YARS2: variants seen among roughly 807,000 people sequenced by gnomAD.
YARS2 encodes the protein tyrosyl-tRNA synthetase 2, also known as tyrosine--tRNA ligase, mitochondrial.
In YARS2, 38 loss-of-function variants were observed where a neutral mutation model predicts 45.0. The ratio of observed to expected loss-of-function variants is 0.84; its 90% CI spans 0.65 to 1.11. YARS2 has a LOEUF of 1.11. YARS2 is among the 50% of genes least tolerant of loss of function. The pLI is 0.00. For synonymous variants in YARS2, 287 were observed against 245.1 expected (o/e 1.17, Z -1.60); for missense variants, 602 against 599.8 (o/e 1.00, Z -0.04).
chr12:32,753,042 C>A (rs889258441), intron 2 of YARS2, among the ~76,000 whole-genome samples: 1 of 151,804 alleles, frequency 6.6e-6, no homozygotes, highest in Non-Finnish European at 1.5e-5. Context: ...TGGCCGGGTG[C>A]GGGGGCTCAT....
In YARS2 at chr12:32,747,283, T is replaced by A. The variant is rs751138150; in HGVS notation, c.1355A>T (p.Gln452Leu). Residue 452 changes from glutamine to leucine, a missense_variant, in exon 5 of 5, where the codon CAA becomes CTA. Transcript: ENST00000324868. ...TNPESVLIVG[Q>L]HILKNGLSLL... ...GGAAAGTCCATTCTTGAGAATATGT[T>A]GTCCAACAATTAAAACACTCTCAGG... 1 of 1,614,044 alleles carries A rather than the reference T, an allele frequency of 6.2e-7. No individual in the cohort carries two copies. The highest frequency in any genetic ancestry group is 8.5e-7 in the Non-Finnish European group (1 of 1,179,906).
Position 32,747,179 on chromosome 12 carries a change from T to C in YARS2, c.*25A>G, listed in dbSNP as rs1281042332. ...TGAGAATGAATGATGGGTAAGTTTA[T>C]TTGGACAACCAGAAGGACTTTTCAT... On this transcript the variant is annotated 3_prime_UTR_variant, in exon 5 of 5. Transcript: ENST00000324868. The C allele has an allele frequency of 1.2e-6, 2 of 1,611,006 alleles. No individual in the cohort carries two copies. The highest frequency in any genetic ancestry group is 8.5e-7 in the Non-Finnish European group (1 of 1,179,340).
Position 32,755,152 on chromosome 12 carries a change from C to G in YARS2, c.723G>C (p.Gln241His), listed in dbSNP as rs1270374555. The G allele has an allele frequency of 1.2e-6, 2 of 1,614,208 alleles. No homozygotes were observed. The highest frequency in any genetic ancestry group is 1.1e-5 in the South Asian group (1 of 91,088). Residue 241 changes from glutamine (Q) to histidine (H), a missense_variant, in exon 1 of 5, where the codon CAG (glutamine) becomes CAC (histidine). By Grantham distance (24) the Gln-to-His change is conservative. Coordinates refer to ENST00000324868, the MANE Select transcript of YARS2 (RefSeq NM_001040436.3). ...TGCCTAGTTGATCAGATCCGCCCAGCTGGACCCTGCATCCATAACGCTGGA... is the reference window on the plus strand; with the variant it reads ...TGCCTAGTTGATCAGATCCGCCCAGGTGGACCCTGCATCCATAACGCTGGA... ...YLFQRYGCRV[Q>H]LGGSDQLGNI...
At position 32,755,436 on chromosome 12, in the gene YARS2, C is replaced by T. The variant is rs1470433727; in HGVS notation, c.439G>A (p.Gly147Arg). 2.7e-5 allele frequency: 43 copies of T among 1,613,192 alleles called. No individual in the cohort carries two copies. Among genetic ancestry groups the T allele is most frequent in the Non-Finnish European group, 3.5e-5 (41 of 1,179,844 alleles). ...VRANARALRL[G>R]LEALAANHQQ... is the part of the protein sequence containing the mutation. Reference sequence around the variant, plus strand: ...TGATTAGCCGCCAGGGCCTCAAGCCCTAGGCGCAGAGCTCGCGCGTTGGCT... The same window carrying T: ...TGATTAGCCGCCAGGGCCTCAAGCCTTAGGCGCAGAGCTCGCGCGTTGGCT... The change falls in exon 1 of 5, where the codon GGG (glycine) becomes AGG (arginine). Residue 147 changes from glycine (G) to arginine (R), a missense_variant. Physicochemically the swap from Gly to Arg is moderately radical, Grantham distance 125. Coordinates refer to ENST00000324868, the MANE Select transcript of YARS2 (RefSeq NM_001040436.3).
In YARS2 at chr12:32,755,719, G is replaced by A. The variant is rs267607180; in HGVS notation, c.156C>T (p.Phe52=). The change falls in exon 1 of 5, where the codon TTC becomes TTT. Residue 52 remains phenylalanine, a synonymous_variant. Coordinates refer to ENST00000324868, the MANE Select transcript of YARS2 (RefSeq NM_001040436.3). ...QKARGLFKDF[F]PETGTKIELP... The stretch of plus-strand genomic sequence containing the variant: ...GCTCTATTTTCGTCCCCGTCTCCGG[G>A]AAGAAGTCCTTGAACAGACCTCGAG... 6.2e-6 allele frequency: 10 copies of A among 1,614,226 alleles called. No individual in the cohort carries two copies. Among genetic ancestry groups the A allele is most frequent in the Middle Eastern group, 1.6e-4 (1 of 6,062 alleles).
intron 3 of YARS2, among the ~76,000 whole-genome samples, chr12:32,750,399 C>T (rs1189898209): frequency 6.6e-6 from 1 of 152,106 alleles, no homozygotes; most frequent in African/African-American, 2.4e-5. Context: ...ATGGGGGTTT[C>T]ACCATGTTGG....
intron 3 of YARS2, 27 bp downstream of exon 3, chr12:32,750,692 C>G (rs921675045): frequency 1.2e-6 from 2 of 1,612,074 alleles, no homozygotes; most frequent in Non-Finnish European, 1.7e-6. Flanking sequence ...AACTAACTAT[C>G]AAGTGTTAAT....
intron 1 of YARS2, among the ~76,000 whole-genome samples, 153 bp from the exon 2 acceptor site, chr12:32,754,238 A>T (rs116033296): frequency 5.9e-5 from 9 of 152,186 alleles, no homozygotes; most frequent in African/African-American, 2.2e-4. Context: ...GTATTGTTAC[A>T]GTACTTACTC....
At chr12:32,750,942 C>G (rs989523684) in intron 2 of YARS2, 68 bp from the exon 3 acceptor site, 1 of 1,566,838 alleles carries the variant, frequency 6.4e-7, no homozygotes, top group African/African-American at 1.4e-5. Flanking sequence ...GCTCTTCTAC[C>G]CTTTAAGGTT....
rs1365761955 is a variant in YARS2, at chr12:32,754,137, G to A, written c.780-52C>T. On this transcript the variant is annotated intron_variant, in intron 1 of 4. Coordinates refer to ENST00000324868, the MANE Select transcript of YARS2 (RefSeq NM_001040436.3). ...GTGCCTCAAGCACAAGTGGTGGTAG[G>A]TTCTACTGTTCACCTTCCAGATTTC... is the stretch of plus-strand genomic sequence containing the variant. 4 of 1,605,356 alleles carry A rather than the reference G, an allele frequency of 2.5e-6. No individual in the cohort carries two copies. The East Asian group carries it at 8.9e-5, about 36-fold the overall frequency.
At chr12:32,752,638 T>C (rs2137657017) in intron 2 of YARS2, 1 of 249,494 alleles carries the variant, frequency 4.0e-6, no homozygotes, top group Non-Finnish European at 8.0e-6. Flanking sequence ...CCTGTAGTCC[T>C]AGCTACTCAG....
At chr12:32,747,464 AG>A in intron 4 of YARS2, 101 bp from the exon 5 acceptor site, 2 of 1,259,098 alleles carry the variant, frequency 1.6e-6, no homozygotes, top group East Asian at 2.3e-5. Context: ...TCTCCAATTG[AG>A]AAGATTTCAT....
chr12:32,750,934 T>C (rs1015206107), intron 2 of YARS2, 60 bp from the exon 3 acceptor site: 178 of 1,586,430 alleles, frequency 1.1e-4, no homozygotes, highest in Non-Finnish European at 1.5e-4. Context: ...TATCTCCAGC[T>C]CTTCTACCCT....
chr12:32,752,975 C>T (rs186705550), intron 2 of YARS2, among the ~76,000 whole-genome samples: 5 of 152,040 alleles, frequency 3.3e-5, no homozygotes, highest in African/African-American at 1.2e-4. Flanking sequence ...CACAAAAAGC[C>T]GGTTTAGATA....
chr12:32,749,844 T>C, intron 4 of YARS2, 93 bp downstream of exon 4: 2 of 1,475,302 alleles, frequency 1.4e-6, no homozygotes, highest in Non-Finnish European at 1.9e-6. Flanking sequence ...CCCAATGTGC[T>C]GTGATTACAG....
At position 32,755,474 on chromosome 12, in the gene YARS2, G is replaced by A; in HGVS notation, c.401C>T (p.Thr134Ile). Residue 134 changes from threonine to isoleucine, a missense_variant, in exon 1 of 5, where the codon ACA becomes ATA. By Grantham distance (89) the Thr-to-Ile change is moderately conservative. Coordinates refer to ENST00000324868, the MANE Select transcript of YARS2 (RefSeq NM_001040436.3). ...GRTKEREALE[T>I]ERVRANARAL... ...TCGCGCGTTGGCTCGCACGCGCTCT[G>A]TCTCCAGCGCCTCGCGTTCCTTGGT... is the stretch of plus-strand genomic sequence containing the variant. 4.3e-6 allele frequency: 7 copies of A among 1,612,436 alleles called. No individual in the cohort carries two copies. The highest frequency in any genetic ancestry group is 5.9e-6 in the Non-Finnish European group (7 of 1,179,526).
intron 3 of YARS2, 23 bp from the exon 4 acceptor site, chr12:32,750,130 T>C: frequency 1.2e-6 from 2 of 1,613,074 alleles, no homozygotes; most frequent in Non-Finnish European, 1.7e-6. Flanking sequence ...TTTTAAGAGC[T>C]ACATCATATA....
In YARS2 at chr12:32,754,137, G is replaced by T. The variant is rs1365761955; in HGVS notation, c.780-52C>A. 12 of 1,605,356 alleles carry T rather than the reference G, an allele frequency of 7.5e-6. No individual in the cohort carries two copies. The Admixed American group carries it at 2.0e-4, about 27-fold the overall frequency. The stretch of plus-strand genomic sequence containing the variant: ...GTGCCTCAAGCACAAGTGGTGGTAG[G>T]TTCTACTGTTCACCTTCCAGATTTC... On this transcript the variant is annotated intron_variant, in intron 1 of 4. Coordinates refer to ENST00000324868, the MANE Select transcript of YARS2 (RefSeq NM_001040436.3).
intron 4 of YARS2, among the ~76,000 whole-genome samples, chr12:32,748,287 A>C (rs1018189654): frequency 2.0e-5 from 3 of 152,074 alleles, no homozygotes; most frequent in African/African-American, 7.2e-5. Context: ...GGGATTACAA[A>C]TGTGAGCCAC....
Sources: gnomAD v4.1 joint callset for allele counts (sites outside exome capture counted in the v4.1 genomes callset) on GRCh38, gnomAD v4.1.1 for gene constraint, MANE v1.5 for transcripts, NCBI Gene and HGNC (gene_info 2026-07-23, HGNC 2026-07-21) for gene names.